RTL4: variants seen among roughly 807,000 people sequenced by gnomAD.
The protein encoded by RTL4 is retrotransposon Gag like 4.
RTL4 carries 4 observed loss-of-function variants against 5.3 expected under a neutral mutation model. That is an observed-to-expected ratio of 0.75 (90% CI 0.37 to 1.72). The LOEUF (loss-of-function observed/expected upper bound fraction) is 1.72, where lower values mean the gene tolerates loss of function less well. Ranked by LOEUF, RTL4 falls within the 40% of genes most tolerant of loss-of-function variation. The pLI is 0.04. For synonymous variants in RTL4, 98 were observed against 87.3 expected (o/e 1.12, Z -0.68); for missense variants, 260 against 227.1 (o/e 1.14, Z -0.93).
the RTL4 span, among the ~76,000 whole-genome samples, chrX:112,091,876 T>A: frequency 9.0e-6 from 1 of 111,399 alleles, no homozygotes; most frequent in Admixed American, 9.6e-5. Flanking sequence ...CTCCCTTTAA[T>A]CCTTGCTTTG....
the RTL4 span, among the ~76,000 whole-genome samples, chrX:112,335,942 A>G: frequency 1.8e-5 from 2 of 109,586 alleles, no homozygotes; most frequent in African/African-American, 6.6e-5. Flanking sequence ...TCCCAGATTC[A>G]CGCCATTCTC....
At chrX:112,433,864 T>C in the RTL4 span, among the ~76,000 whole-genome samples, 2 of 75,340 alleles carry the variant, frequency 2.7e-5, no homozygotes, top group African/African-American at 1.1e-4. Context: ...ATATTGGCTG[T>C]GGGTTTGTCA....
chrX:112,431,836 C>T, the RTL4 span, among the ~76,000 whole-genome samples: 3 of 102,965 alleles, frequency 2.9e-5, no homozygotes, highest in Non-Finnish European at 4.0e-5. Context: ...CCCATTAACT[C>T]GTCATTTAGC....
chrX:112,324,753 CT>C, the RTL4 span, among the ~76,000 whole-genome samples: 2 of 111,151 alleles, frequency 1.8e-5, no homozygotes, highest in East Asian at 5.6e-4. Context: ...ATTTATTGAG[CT>C]TTTTTGTAAC....
chrX:112,244,180 G>C, the RTL4 span, among the ~76,000 whole-genome samples: 3 of 111,909 alleles, frequency 2.7e-5, no homozygotes, highest in Admixed American at 2.8e-4. Context: ...CTGTTGATTT[G>C]GGTTGGAGAG....
At chrX:112,099,339 G>A in the RTL4 span, among the ~76,000 whole-genome samples, 1 of 111,539 alleles carries the variant, frequency 9.0e-6, no homozygotes, top group East Asian at 2.8e-4. Flanking sequence ...GCAGCATAGT[G>A]AGAGTCTAGA....
At chrX:112,352,730 A>T in the RTL4 span, among the ~76,000 whole-genome samples, 1 of 111,676 alleles carries the variant, frequency 9.0e-6, no homozygotes, top group Non-Finnish European at 1.9e-5. Context: ...TAAAAACCCT[A>T]GAAGAAAACC....
chrX:112,287,210 A>G, the RTL4 span, among the ~76,000 whole-genome samples: 2 of 111,710 alleles, frequency 1.8e-5, no homozygotes, highest in Non-Finnish European at 3.8e-5. Flanking sequence ...TATTATAAAG[A>G]GAATTCTGAT....
At chrX:112,413,488 T>G in the RTL4 span, among the ~76,000 whole-genome samples, 1 of 111,854 alleles carries the variant, frequency 8.9e-6, no homozygotes, top group East Asian at 2.8e-4. Context: ...AAAGAAAATA[T>G]GGTACATATA....
the RTL4 span, among the ~76,000 whole-genome samples, chrX:112,389,869 A>T: frequency 1.9e-5 from 2 of 106,184 alleles, no homozygotes; most frequent in African/African-American, 6.9e-5. Flanking sequence ...AGAAGAATGT[A>T]TAATCTGTTG....
chrX:112,233,684 G>C, the RTL4 span, among the ~76,000 whole-genome samples: 1 of 111,106 alleles, frequency 9.0e-6, no homozygotes, highest in East Asian at 2.8e-4. Context: ...ATGTAACCTT[G>C]GGCAATGCAC....
the RTL4 span, among the ~76,000 whole-genome samples, chrX:112,298,440 GTTCT>G: frequency 8.9e-6 from 1 of 112,159 alleles, no homozygotes; most frequent in African/African-American, 3.2e-5. Flanking sequence ...GTTCAGCCTG[GTTCT>G]TCCTCTACAA....
the RTL4 span, among the ~76,000 whole-genome samples, chrX:112,368,729 A>G: frequency 1.8e-5 from 2 of 111,770 alleles, no homozygotes; most frequent in East Asian, 2.8e-4. Flanking sequence ...ACTTAGACTA[A>G]ATAAACTCAG....
At chrX:112,249,253 T>C in the RTL4 span, among the ~76,000 whole-genome samples, 3 of 112,147 alleles carry the variant, frequency 2.7e-5, no homozygotes, top group Admixed American at 9.4e-5. Flanking sequence ...ATTATACTGA[T>C]GTAAATTAAT....
chrX:112,251,871 C>T, the RTL4 span, among the ~76,000 whole-genome samples: 3 of 111,949 alleles, frequency 2.7e-5, no homozygotes, highest in Non-Finnish European at 5.6e-5. Flanking sequence ...AATAGAGAAA[C>T]AGGTGCACTT....
the RTL4 span, among the ~76,000 whole-genome samples, chrX:112,335,944 G>A: frequency 3.6e-5 from 4 of 109,869 alleles, no homozygotes; most frequent in South Asian, 3.9e-4. Flanking sequence ...CCAGATTCAC[G>A]CCATTCTCCT....
chrX:112,295,585 C>T, the RTL4 span, among the ~76,000 whole-genome samples: 1 of 112,476 alleles, frequency 8.9e-6, no homozygotes, highest in Non-Finnish European at 1.9e-5. Context: ...CACACAAGGG[C>T]CATCCCGCTT....
chrX:112,183,663 C>A, the RTL4 span, among the ~76,000 whole-genome samples: 6 of 111,782 alleles, frequency 5.4e-5, no homozygotes, highest in African/African-American at 1.6e-4. Context: ...ATTCATAAAG[C>A]AAGTTCTTAG....
At chrX:112,454,831 G>A (rs760320833) in exon 1 of RTL4, 9 of 1,208,836 alleles carry the variant, frequency 7.4e-6, no homozygotes, top group Non-Finnish European at 7.8e-6. Flanking sequence ...TCCAACCACG[G>A]AGAACACTGC....
Sources: gnomAD v4.1 joint callset for allele counts (sites outside exome capture counted in the v4.1 genomes callset) on GRCh38, gnomAD v4.1.1 for gene constraint, MANE v1.5 for transcripts, NCBI Gene and HGNC (gene_info 2026-07-23, HGNC 2026-07-21) for gene names.